The following CC2D2A variants were observed in gnomAD, a reference collection of about 807,000 sequenced individuals.
CC2D2A encodes the protein coiled-coil and C2 domain containing 2A.
A neutral mutation model predicts 212.9 loss-of-function variants in CC2D2A; 155 were observed. That is an observed-to-expected ratio of 0.73 (90% CI 0.64 to 0.83). The LOEUF is 0.83. CC2D2A is among the 40% of genes least tolerant of loss of function. The pLI, the probability that CC2D2A is intolerant of heterozygous loss-of-function variation, is 0.00. For synonymous variants in CC2D2A, 667 were observed against 686.5 expected (o/e 0.97, Z 0.44); for missense variants, 1,856 against 1,956.2 (o/e 0.95, Z 0.97).
At chr4:15,495,235 T>C (rs545393075) in intron 4 of CC2D2A, among the ~76,000 whole-genome samples, 1 of 152,166 alleles carries the variant, frequency 6.6e-6, no homozygotes, top group Admixed American at 6.5e-5. Flanking sequence ...CAGCCTCCCA[T>C]GTAGAGGGGA....
chr4:15,593,361 T>C (rs886735027), intron 33 of CC2D2A, among the ~76,000 whole-genome samples: 10 of 152,234 alleles, frequency 6.6e-5, no homozygotes, highest in African/African-American at 2.4e-4. Context: ...TACTTCTCTA[T>C]ATCCTTTGCT....
At chr4:15,502,383 T>C (rs774873348) in intron 4 of CC2D2A, 46 bp from the exon 5 acceptor site, 1 of 1,475,560 alleles carries the variant, frequency 6.8e-7, no homozygotes, top group Non-Finnish European at 9.1e-7. Context: ...TTTCTTTTCT[T>C]TTTCTTTTTT....
chr4:15,471,217 G>A (rs535920129), intron 1 of CC2D2A, among the ~76,000 whole-genome samples: 1 of 152,300 alleles, frequency 6.6e-6, no homozygotes, highest in South Asian at 2.1e-4. Flanking sequence ...GGAGGGAACA[G>A]AAAAATGTTC....
intron 17 of CC2D2A, among the ~76,000 whole-genome samples, chr4:15,542,019 G>C (rs188360699): frequency 2.0e-5 from 3 of 151,908 alleles, no homozygotes; most frequent in Non-Finnish European, 2.9e-5. Flanking sequence ...TTGTGTTAGC[G>C]TAACTCTAAT....
At chr4:15,513,851 T>C (rs1388582637) in intron 8 of CC2D2A, among the ~76,000 whole-genome samples, 1 of 152,226 alleles carries the variant, frequency 6.6e-6, no homozygotes, top group Non-Finnish European at 1.5e-5. Flanking sequence ...ATAGATTCCC[T>C]TTTTCCTTCT....
chr4:15,516,865 A>T (rs1282318833), intron 11 of CC2D2A, 109 bp downstream of exon 11: 1 of 1,119,204 alleles, frequency 8.9e-7, no homozygotes, highest in Non-Finnish European at 1.2e-6. Flanking sequence ...TTTTTAAATA[A>T]TTCACTATCT....
chr4:15,583,338 G>C (rs1279685125), intron 30 of CC2D2A, among the ~76,000 whole-genome samples: 1 of 152,144 alleles, frequency 6.6e-6, no homozygotes, highest in Admixed American at 6.5e-5. Context: ...TCTAGCTAGA[G>C]CAATGAGGCA....
chr4:15,527,419 T>G (rs777743994), intron 11 of CC2D2A, 28 bp from the exon 12 acceptor site: 6 of 1,563,132 alleles, frequency 3.8e-6, no homozygotes. Flanking sequence ...TTAACTGTGT[T>G]CTGTCTACAC....
rs1372742726 is a variant in CC2D2A at position 15,587,816 on chromosome 4, C to G, written c.4066C>G (p.Gln1356Glu). Reference protein sequence around the residue: ...GICDLWSTSDQFLDLLAGDEE... With the variant: ...GICDLWSTSDEFLDLLAGDEE... ...CATAATTTTTTTTTCTTTTTGTCAG[C>G]AATTTCTTGATCTCCTGGCAGGGGA... is the stretch of plus-strand genomic sequence containing the variant. The change falls in exon 32 of 37, where the codon CAA becomes GAA. Residue 1356 changes from glutamine (Q) to glutamate (E), a missense_variant and splice_region_variant. Physicochemically the swap from Gln to Glu is conservative, Grantham distance 29 (BLOSUM62 2). Transcript: ENST00000424120. 3.8e-6 allele frequency: 6 copies of G among 1,582,552 alleles called. No individual in the cohort carries two copies. In the African/African-American group the frequency reaches 8.1e-5, roughly 21 times the overall value.
intron 30 of CC2D2A, among the ~76,000 whole-genome samples, chr4:15,581,920 C>A (rs1720680423): frequency 6.6e-6 from 1 of 151,950 alleles, no homozygotes; most frequent in African/African-American, 2.4e-5. Context: ...CATGAACATA[C>A]AATGAAAGAT....
intron 30 of CC2D2A, among the ~76,000 whole-genome samples, chr4:15,582,971 T>C (rs921388619): frequency 3.4e-4 from 52 of 152,040 alleles, no homozygotes; most frequent in African/African-American, 1.2e-3. Flanking sequence ...TTCAATAATA[T>C]ATTAAAAAAA....
chr4:15,511,176 G>A (rs1716548243), intron 7 of CC2D2A, 71 bp from the exon 8 acceptor site: 1 of 1,467,280 alleles, frequency 6.8e-7, no homozygotes, highest in South Asian at 1.4e-5. Context: ...TAAGCCAGCT[G>A]TCAGTTAATT....
intron 24 of CC2D2A, chr4:15,564,052 G>T (rs924256059): frequency 1.3e-5 from 2 of 155,628 alleles, no homozygotes; most frequent in African/African-American, 4.8e-5. Flanking sequence ...AGTCACAAAA[G>T]GTGTCTGTCC....
At chr4:15,586,544 C>T (rs1720863576) in intron 31 of CC2D2A, among the ~76,000 whole-genome samples, 1 of 152,082 alleles carries the variant, frequency 6.6e-6, no homozygotes, top group Non-Finnish European at 1.5e-5. Flanking sequence ...ATGAAAAATA[C>T]CAAAATTACA....
chr4:15,552,450 T>C (rs150109144), intron 18 of CC2D2A, among the ~76,000 whole-genome samples: 29 of 152,280 alleles, frequency 1.9e-4, no homozygotes, highest in Non-Finnish European at 3.4e-4. Context: ...CCACCCCTTC[T>C]AAAAGTTTAT....
intron 29 of CC2D2A, among the ~76,000 whole-genome samples, chr4:15,576,976 G>C (rs1577390315): frequency 6.6e-6 from 1 of 152,166 alleles, no homozygotes; most frequent in East Asian, 1.9e-4. Context: ...GGCTGTCTCA[G>C]TACAGCTTTT....
intron 23 of CC2D2A, among the ~76,000 whole-genome samples, chr4:15,562,431 T>C (rs1351123622): frequency 6.6e-6 from 1 of 152,248 alleles, no homozygotes. Flanking sequence ...GTTTCTCCTA[T>C]GATTCACTGA....
intron 4 of CC2D2A, among the ~76,000 whole-genome samples, chr4:15,489,289 A>G (rs1413269553): frequency 6.6e-6 from 1 of 152,170 alleles, no homozygotes; most frequent in Non-Finnish European, 1.5e-5. Context: ...AATGTTATAA[A>G]GCACAGCATG....
chr4:15,489,363 G>C (rs540263279), intron 4 of CC2D2A, among the ~76,000 whole-genome samples: 1 of 152,134 alleles, frequency 6.6e-6, no homozygotes, highest in African/African-American at 2.4e-5. Flanking sequence ...CCCACCAGCT[G>C]GAGAATGGGA....
Sources: gnomAD v4.1 joint callset for allele counts (sites outside exome capture counted in the v4.1 genomes callset) on GRCh38, gnomAD v4.1.1 for gene constraint, MANE v1.5 for transcripts, NCBI Gene and HGNC (gene_info 2026-07-23, HGNC 2026-07-21) for gene names.